The following DCHS2 variants were observed in gnomAD, a reference collection of about 807,000 sequenced individuals.
The protein encoded by DCHS2 is protocadherin-23.
In DCHS2, 142 loss-of-function variants were observed where a neutral mutation model predicts 182.4. The ratio of observed to expected loss-of-function variants is 0.78; its 90% CI spans 0.68 to 0.89. The LOEUF (loss-of-function observed/expected upper bound fraction) is 0.89, where lower values mean the gene tolerates loss of function less well. Ranked by LOEUF, DCHS2 falls within the 40% of genes least tolerant of loss-of-function variation. DCHS2 has a pLI of 0.00. For missense variants in DCHS2, 4,319 were observed against 4,198.6 expected, an observed-to-expected ratio of 1.03 and a Z score of -0.79; for synonymous variants, 1,740 against 1,663.3, an observed-to-expected ratio of 1.05 and a Z score of -1.12.
intron 13 of DCHS2, among the ~76,000 whole-genome samples, chr4:154,270,897 G>C (rs781709101): frequency 1.3e-5 from 2 of 152,058 alleles, no homozygotes; most frequent in Non-Finnish European, 2.9e-5. Flanking sequence ...AACCCAACTA[G>C]AGAGTAACCA....
intron 13 of DCHS2, among the ~76,000 whole-genome samples, chr4:154,275,645 C>G (rs1375985484): frequency 6.6e-6 from 1 of 152,038 alleles, no homozygotes; most frequent in Non-Finnish European, 1.5e-5. Context: ...ATTTCCTAAA[C>G]ACAGGAAATT....
At chr4:154,366,673 A>T (rs1216221343) in intron 2 of DCHS2, among the ~76,000 whole-genome samples, 2 of 151,934 alleles carry the variant, frequency 1.3e-5, no homozygotes, top group African/African-American at 4.8e-5. Flanking sequence ...ACACACAAAC[A>T]CGTCTTTATA....
rs544818830 is a variant in DCHS2, at chr4:154,330,156, A to G, written c.3731-446T>C. On this transcript the variant is annotated intron_variant, in intron 5 of 19. Coordinates refer to ENST00000357232, the MANE Select transcript of DCHS2 (RefSeq NM_001358235.2). The stretch of plus-strand genomic sequence containing the variant: ...CTCCTCTGAGCCTGGGACTGCTGTC[A>G]GGAAGAAATGTAATCACACATTTAA... 1.2e-4 allele frequency among the ~76,000 whole-genome samples: 19 copies of G among 152,240 alleles called. 1 individual carries two copies. Among genetic ancestry groups the G allele is most frequent in the Non-Finnish European group, 2.5e-4 (17 of 68,048 alleles).
chr4:154,259,619 A>T lies in DCHS2; in HGVS notation c.6715T>A (p.Ser2239Thr). 1 of 1,613,954 alleles carries T rather than the reference A, an allele frequency of 6.2e-7. No individual in the cohort carries two copies. Among genetic ancestry groups the T allele is most frequent in the Non-Finnish European group, 8.5e-7 (1 of 1,179,986 alleles). ...AVLIQDENDN[S>T]PCFEQSIYQA... ...TAAATGCTTTGTTCAAAGCATGGTG[A>T]ATTATCATTCTCATCCTGTATCAAG... The change falls in exon 15 of 20, where the codon TCA (serine) becomes ACA (threonine). Residue 2239 changes from serine to threonine, a missense_variant. Ser to Thr is a moderately conservative substitution (Grantham distance 58). Coordinates refer to ENST00000357232, the MANE Select transcript of DCHS2 (RefSeq NM_001358235.2).
chr4:154,267,684 T>A (rs1344401522), intron 14 of DCHS2, among the ~76,000 whole-genome samples: 1 of 139,360 alleles, frequency 7.2e-6, no homozygotes, highest in Non-Finnish European at 1.6e-5. Context: ...TCTATGAATG[T>A]AGGTTCCATT....
At chr4:154,341,140 G>A (rs1289115295) in intron 3 of DCHS2, among the ~76,000 whole-genome samples, 1 of 152,002 alleles carries the variant, frequency 6.6e-6, no homozygotes, top group African/African-American at 2.4e-5. Flanking sequence ...AGGCCGAGGC[G>A]GGTGGATCAC....
In DCHS2 at chr4:154,234,663, G is replaced by A. The variant is rs751062395; in HGVS notation, c.9989C>T (p.Pro3330Leu). Residue 3330 changes from proline to leucine, a missense_variant, in exon 20 of 20, where the codon CCA (proline) becomes CTA (leucine). Pro to Leu is a moderately conservative substitution (Grantham distance 98, BLOSUM62 -3). Coordinates refer to ENST00000357232, the MANE Select transcript of DCHS2 (RefSeq NM_001358235.2). Reference protein sequence around the residue: ...LPEGMTPNFSPSLSLLTMQPP... With the variant: ...LPEGMTPNFSLSLSLLTMQPP... ...CTGCATCGTCAATAGGGAAAGAGAT[G>A]GAGAAAAATTGGGAGTCATGCCTTC... 6.2e-7 allele frequency: 1 copy of A among 1,614,016 alleles called. No individual in the cohort carries two copies. The highest frequency in any genetic ancestry group is 1.1e-5 in the South Asian group (1 of 91,078).
Position 154,388,026 on chromosome 4 carries a change from G to A in DCHS2, c.2053-10582C>T, listed in dbSNP as rs371873447. ...TATTAAGTATATGCTTATTCTTACA[G>A]CCCATCTGAAAAGTAACTCTGTGTT... is the stretch of plus-strand genomic sequence containing the variant. On this transcript the variant is annotated intron_variant, in intron 1 of 19. Coordinates refer to ENST00000357232, the MANE Select transcript of DCHS2 (RefSeq NM_001358235.2). Among the ~76,000 whole-genome samples the A allele has an allele frequency of 5.3e-5, 8 of 152,170 alleles. No individual in the cohort carries two copies. The East Asian group carries it at 7.7e-4, about 15-fold the overall frequency.
Position 154,332,462 on chromosome 4 carries a change from A to G in DCHS2, c.3730+16T>C, listed in dbSNP as rs749231926. The G allele has an allele frequency of 6.3e-7, 1 of 1,584,696 alleles. No homozygotes were observed. The highest frequency in any genetic ancestry group is 8.6e-7 in the Non-Finnish European group (1 of 1,162,832). On this transcript the variant is annotated intron_variant, in intron 5 of 19. Transcript: ENST00000357232. ...CCCTCATTTTAAAGGAATAGGTGGA[A>G]ACTATGAAGTGCTACCTGTATTAGG...
intron 16 of DCHS2, among the ~76,000 whole-genome samples, chr4:154,247,607 A>G (rs977166382): frequency 1.9e-4 from 28 of 146,932 alleles, no homozygotes; most frequent in Non-Finnish European, 3.0e-4. Context: ...ACACCACTCC[A>G]GCCTGGGTGA....
intron 2 of DCHS2, among the ~76,000 whole-genome samples, chr4:154,372,881 T>C (rs1201654174): frequency 6.6e-6 from 1 of 152,110 alleles, no homozygotes; most frequent in African/African-American, 2.4e-5. Flanking sequence ...CAAGGATAAA[T>C]AGAGCAGTAG....
intron 8 of DCHS2, 24 bp downstream of exon 8, chr4:154,322,307 C>G (rs368055811): frequency 6.2e-7 from 1 of 1,611,172 alleles, no homozygotes; most frequent in Non-Finnish European, 8.5e-7. Flanking sequence ...GATGTCCTTC[C>G]ATATTTTATG....
In DCHS2 at chr4:154,384,724, G is replaced by A. The variant is rs78959828; in HGVS notation, c.2053-7280C>T. ...AGAAGAGGAGGAGGCAATGTGACCAGGGAAGCAGAGATTGAAGGGATGTGG... is the reference window on the plus strand; with the variant it reads ...AGAAGAGGAGGAGGCAATGTGACCAAGGAAGCAGAGATTGAAGGGATGTGG... On this transcript the variant is annotated intron_variant, in intron 1 of 19. Coordinates refer to ENST00000357232, the MANE Select transcript of DCHS2 (RefSeq NM_001358235.2). 2.3e-3 allele frequency among the ~76,000 whole-genome samples: 351 copies of A among 152,074 alleles called. 3 individuals are homozygous for A. Among genetic ancestry groups the A allele is most frequent in the African/African-American group, 7.9e-3 (327 of 41,470 alleles).
intron 3 of DCHS2, among the ~76,000 whole-genome samples, chr4:154,348,086 G>A (rs963368336): frequency 2.6e-5 from 4 of 151,894 alleles, no homozygotes; most frequent in African/African-American, 4.9e-5. Flanking sequence ...GACACAAGTT[G>A]GCAACAGGGA....
intron 3 of DCHS2, among the ~76,000 whole-genome samples, chr4:154,340,804 G>T (rs1729027987): frequency 6.6e-6 from 1 of 152,174 alleles, no homozygotes; most frequent in Admixed American, 6.5e-5. Flanking sequence ...ACCTTTTCAA[G>T]AATCTTTACC....
intron 13 of DCHS2, among the ~76,000 whole-genome samples, chr4:154,297,268 C>A (rs535263826): frequency 6.6e-6 from 1 of 152,122 alleles, no homozygotes; most frequent in African/African-American, 2.4e-5. Flanking sequence ...ACTTTTAGTT[C>A]GCCTCTCAAT....
At chr4:154,488,593 A>G (rs1728668722) in intron 1 of DCHS2, among the ~76,000 whole-genome samples, 1 of 77,498 alleles carries the variant, frequency 1.3e-5, no homozygotes, top group Non-Finnish European at 3.0e-5. Flanking sequence ...GTTGCCTCAT[A>G]AAGCTGTTAA....
At chr4:154,242,572 T>C in intron 17 of DCHS2, 70 bp downstream of exon 17, 1 of 1,547,348 alleles carries the variant, frequency 6.5e-7, no homozygotes, top group Non-Finnish European at 8.7e-7. Context: ...ATACAGTGTC[T>C]GGCTAAAGAA....
intron 1 of DCHS2, among the ~76,000 whole-genome samples, chr4:154,402,082 G>A (rs1419152731): frequency 2.0e-5 from 3 of 152,186 alleles, no homozygotes; most frequent in Non-Finnish European, 2.9e-5. Flanking sequence ...TTCATGTACA[G>A]TGTGAGATTG....
Sources: allele counts gnomAD v4.1 joint callset (sites outside exome capture counted in the v4.1 genomes callset), GRCh38; gene constraint gnomAD v4.1.1; transcripts MANE v1.5; gene names NCBI Gene and HGNC (gene_info 2026-07-23, HGNC 2026-07-21).